The following ANK1 variants were observed in gnomAD, a reference collection of about 807,000 sequenced individuals.
ANK1 encodes the protein ankyrin-1.
In ANK1, 51 loss-of-function variants were observed where a neutral mutation model predicts 210.4. The ratio of observed to expected loss-of-function variants is 0.24; its 90% confidence interval spans 0.19 to 0.31. The LOEUF is 0.31. ANK1 is among the 10% of genes least tolerant of loss of function. The pLI is 1.00. For synonymous variants in ANK1, 967 were observed against 1,025.9 expected, an observed-to-expected ratio of 0.94 and a Z score of 1.10; for missense variants, 2,051 against 2,504.4, an observed-to-expected ratio of 0.82 and a Z score of 3.86.
intron 1 of ANK1, among the ~76,000 whole-genome samples, chr8:41,779,806 G>A (rs13263961): frequency 0.22 from 33,923 of 152,158 alleles, 4,818 homozygotes; most frequent in Non-Finnish European, 0.31. Flanking sequence ...GAGAAGTGGC[G>A]GAGTTAGGAT....
chr8:41,741,830 A>G (rs1834871161), intron 2 of ANK1, among the ~76,000 whole-genome samples: 1 of 152,188 alleles, frequency 6.6e-6, no homozygotes, highest in African/African-American at 2.4e-5. Context: ...TCTGCATCCT[A>G]CATACTCCCT....
chr8:41,775,494 C>T (rs1338519945), intron 1 of ANK1, among the ~76,000 whole-genome samples: 1 of 152,228 alleles, frequency 6.6e-6, no homozygotes. Flanking sequence ...AGGCCCCGTC[C>T]ACACCCTCTA....
At chr8:41,739,701 GTT>G (rs1834274988) in intron 2 of ANK1, among the ~76,000 whole-genome samples, 1 of 151,998 alleles carries the variant, frequency 6.6e-6, no homozygotes, top group Non-Finnish European at 1.5e-5. Flanking sequence ...GTTGACCTGA[GTT>G]TGAGTTTTGT....
At chr8:41,720,789 G>A (rs1563556954) in intron 9 of ANK1, among the ~76,000 whole-genome samples, 1 of 152,124 alleles carries the variant, frequency 6.6e-6, no homozygotes, top group South Asian at 2.1e-4. Flanking sequence ...GAGGACCAAA[G>A]GGGAAGAACA....
intron 13 of ANK1, among the ~76,000 whole-genome samples, 177 bp from the exon 14 acceptor site, chr8:41,716,026 A>G (rs1245845953): frequency 6.6e-6 from 1 of 152,214 alleles, no homozygotes; most frequent in African/African-American, 2.4e-5. Context: ...AGGAACCAAT[A>G]TGCTGTATCC....
At position 41,699,491 on chromosome 8, in the gene ANK1, T is replaced by C. The variant is rs1183382178; in HGVS notation, c.2519A>G (p.Glu840Gly). Reference sequence around the variant, plus strand: ...CGGCACAAAATCCAGCAGCTCCTTCTCTTCATCAACATCCCTGGAATCCCG... The same window carrying C: ...CGGCACAAAATCCAGCAGCTCCTTCCCTTCATCAACATCCCTGGAATCCCG... The part of the protein sequence containing the change: ...ERRDSRDVDE[E>G]KELLDFVPKL... The change falls in exon 23 of 43, where the codon GAG (glutamate) becomes GGG (glycine). Residue 840 changes from glutamate to glycine, a missense_variant. Physicochemically the swap from Glu to Gly is moderately conservative, Grantham distance 98. Transcript: ENST00000289734. The C allele has an allele frequency of 6.2e-7, 1 of 1,614,068 alleles. No individual in the cohort carries two copies. The highest frequency in any genetic ancestry group is 1.3e-5 in the African/African-American group (1 of 74,948).
At chr8:41,819,952 C>T (rs1803932531) in intron 1 of ANK1, among the ~76,000 whole-genome samples, 2 of 152,242 alleles carry the variant, frequency 1.3e-5, no homozygotes. Flanking sequence ...GAGGCCAGCT[C>T]AAACCACTGG....
rs374055991 is a variant in ANK1 at position 41,665,044 on chromosome 8, G to A, written c.5395-1302C>T. ...CACATCCTCGCCTCCTCACCAGCCC[G>A]GTCCTCTGGCAGCCAGGGCCCCGGC... is the stretch of plus-strand genomic sequence containing the variant. On this transcript the variant is annotated intron_variant, in intron 39 of 42. Coordinates refer to ENST00000289734, the MANE Select transcript of ANK1 (RefSeq NM_000037.4). 334 of 1,611,216 alleles carry A rather than the reference G, an allele frequency of 2.1e-4. 1 individual carries two copies. The highest frequency in any genetic ancestry group is 2.8e-4 in the African/African-American group (21 of 75,024).
At chr8:41,859,292 G>A (rs1313424755) in intron 1 of ANK1, among the ~76,000 whole-genome samples, 1 of 152,226 alleles carries the variant, frequency 6.6e-6, no homozygotes. Flanking sequence ...AACAAAAGTT[G>A]AGTCTCTTAA....
chr8:41,837,373 T>C (rs921737357), intron 1 of ANK1, among the ~76,000 whole-genome samples: 1 of 152,182 alleles, frequency 6.6e-6, no homozygotes, highest in Non-Finnish European at 1.5e-5. Context: ...TTTTATTACT[T>C]GCGCTGTGGT....
At chr8:41,865,100 C>A (rs1814122028) in intron 1 of ANK1, among the ~76,000 whole-genome samples, 1 of 152,174 alleles carries the variant, frequency 6.6e-6, no homozygotes, top group Non-Finnish European at 1.5e-5. Flanking sequence ...CTGCACACAC[C>A]CTCTGAGCTG....
chr8:41,896,254 G>T, intron 1 of ANK1: 3 of 1,390,984 alleles, frequency 2.2e-6, no homozygotes, highest in Non-Finnish European at 2.8e-6. Context: ...CCGCCGCACC[G>T]GGCGCCGCGC....
At chr8:41,712,571 T>A (rs1826454952) in intron 16 of ANK1, among the ~76,000 whole-genome samples, 1 of 152,166 alleles carries the variant, frequency 6.6e-6, no homozygotes, top group South Asian at 2.1e-4. Context: ...GGGAGGAATG[T>A]GTGCCCGCAA....
intron 1 of ANK1, among the ~76,000 whole-genome samples, chr8:41,878,146 G>A (rs1230938191): frequency 6.6e-6 from 1 of 152,234 alleles, no homozygotes; most frequent in East Asian, 1.9e-4. Flanking sequence ...AATCCCAAAT[G>A]TCATTGGCAA....
In ANK1 at chr8:41,708,789, G is replaced by T; in HGVS notation, c.1987C>A (p.Leu663Met). 1 of 1,613,954 alleles carries T rather than the reference G, an allele frequency of 6.2e-7. No homozygotes were observed. The highest frequency in any genetic ancestry group is 8.5e-7 in the Non-Finnish European group (1 of 1,180,038). The change falls in exon 17 of 43, where the codon CTG becomes ATG. Residue 663 changes from leucine to methionine, a missense_variant. By Grantham distance (15) the Leu-to-Met change is conservative (BLOSUM62 2). Coordinates refer to ENST00000289734, the MANE Select transcript of ANK1 (RefSeq NM_000037.4). ...LLLSKQANGNLGNKSGLTPLH... is the reference protein window; with the variant it reads ...LLLSKQANGNMGNKSGLTPLH... ...GACACCATGCCTACCTTGTTCCCCA[G>T]GTTGCCATTGGCTTGTTTCGAGAGC...
chr8:41,733,258 A>G (rs1229164705), intron 3 of ANK1, among the ~76,000 whole-genome samples: 1 of 152,226 alleles, frequency 6.6e-6, no homozygotes, highest in African/African-American at 2.4e-5. Context: ...CTCATGAAAC[A>G]GAATGCTGTT....
intron 1 of ANK1, among the ~76,000 whole-genome samples, chr8:41,765,744 C>T (rs928251431): frequency 6.6e-6 from 1 of 152,072 alleles, no homozygotes; most frequent in Non-Finnish European, 1.5e-5. Context: ...CCTGAGACAC[C>T]CAGACTATTA....
chr8:41,695,262 C>T lies in ANK1; in HGVS notation c.3030G>A (p.Arg1010=). ...GRGDRELVVL[R]SENGSVWKEH... ...CCTTCCACACGGAGCCGTTTTCGCT[C>T]CTCAGAACCACGAGCTCGCGGTCTC... Residue 1010 remains arginine, a synonymous_variant, in exon 27 of 43, where the codon AGG becomes AGA. Transcript: ENST00000289734. 3 of 1,614,116 alleles carry T rather than the reference C, an allele frequency of 1.9e-6. No individual in the cohort carries two copies. Among genetic ancestry groups the T allele is most frequent in the Non-Finnish European group, 2.5e-6 (3 of 1,180,032 alleles).
intron 2 of ANK1, among the ~76,000 whole-genome samples, chr8:41,756,206 G>GACGATCTCGGCTCACTGCA (rs1839112154): frequency 4.6e-5 from 7 of 151,602 alleles, no homozygotes; most frequent in Admixed American, 3.9e-4. Context: ...GTAGTGGCAC[G>GACGATCTCGGCTCACTGCA]ACGATCTCGG....
Sources: gnomAD v4.1 joint callset for allele counts (sites outside exome capture counted in the v4.1 genomes callset) on GRCh38, gnomAD v4.1.1 for gene constraint, MANE v1.5 for transcripts, NCBI Gene and HGNC (gene_info 2026-07-23, HGNC 2026-07-21) for gene names.